The following ZNF804A variants were observed in gnomAD, a reference collection of about 807,000 sequenced individuals.
ZNF804A encodes zinc finger protein 804A.
In ZNF804A, 2 loss-of-function variants were observed where a neutral mutation model predicts 16.5. That is an observed-to-expected ratio of 0.12 (90% confidence interval 0.05 to 0.38). The LOEUF is 0.38. Ranked by LOEUF, ZNF804A falls within the 10% of genes least tolerant of loss-of-function variation. The probability of loss-of-function intolerance (pLI) is 0.99; values close to 1 mark genes in which losing one functional copy is unlikely to be tolerated. For synonymous variants in ZNF804A, 534 were observed against 489.6 expected (o/e 1.09, Z -1.20); for missense variants, 1,473 against 1,390.7 (o/e 1.06, Z -0.94).
Position 184,759,579 on chromosome 2 carries a change from TC to T in ZNF804A, c.112-106789del, listed in dbSNP as rs530111566. Among the ~76,000 whole-genome samples, 278 of 152,208 alleles carry T rather than the reference TC, an allele frequency of 1.8e-3. 2 individuals are homozygous for T. Among genetic ancestry groups the T allele is most frequent in the South Asian group, 0.015 (74 of 4,824 alleles). ...CACTGACAATAAAATATATAAATTA[TC>T]TCATGCAATAAGGATAGCAATTGAT... On this transcript the variant is annotated intron_variant, in intron 1 of 3. Transcript: ENST00000302277.
At chr2:184,652,141 A>G (rs1049975856) in intron 1 of ZNF804A, among the ~76,000 whole-genome samples, 1 of 152,194 alleles carries the variant, frequency 6.6e-6, no homozygotes, top group Non-Finnish European at 1.5e-5. Context: ...TTGCAGCAAC[A>G]TGGATGGGGC....
intron 1 of ZNF804A, among the ~76,000 whole-genome samples, chr2:184,690,190 G>GAA (rs1461547397): frequency 2.4e-5 from 3 of 126,514 alleles, no homozygotes; most frequent in African/African-American, 1.1e-4. Flanking sequence ...GAAAGTCTCA[G>GAA]GAAAAAAAAA....
chr2:184,798,024 G>A (rs1694663174), intron 1 of ZNF804A, among the ~76,000 whole-genome samples: 1 of 148,472 alleles, frequency 6.7e-6, no homozygotes, highest in Non-Finnish European at 1.5e-5. Context: ...GTGTGTGTGT[G>A]TGTGTGTGTG....
chr2:184,870,637 C>T (rs936343938), intron 2 of ZNF804A, among the ~76,000 whole-genome samples: 9 of 151,896 alleles, frequency 5.9e-5, no homozygotes, highest in African/African-American at 2.2e-4. Context: ...AATTTAGACA[C>T]CCAATTAATG....
At position 184,886,013 on chromosome 2, in the gene ZNF804A, G is replaced by A. The variant is rs1321092557; in HGVS notation, c.255+19501G>A. On this transcript the variant is annotated intron_variant, in intron 2 of 3. Transcript: ENST00000302277. ...AAGTCACAATTCATTTTAGAATTATGCCAGAAGTCCACAGTCCAAAGTCTC... is the reference window on the plus strand; with the variant it reads ...AAGTCACAATTCATTTTAGAATTATACCAGAAGTCCACAGTCCAAAGTCTC... 1.3e-5 allele frequency among the ~76,000 whole-genome samples: 2 copies of A among 152,066 alleles called. 1 individual carries two copies. The highest frequency in any genetic ancestry group is 4.1e-4 in the South Asian group (2 of 4,820).
intron 1 of ZNF804A, among the ~76,000 whole-genome samples, chr2:184,662,012 C>CT (rs1692182036): frequency 6.6e-6 from 1 of 152,110 alleles, no homozygotes; most frequent in South Asian, 2.1e-4. Context: ...ATAACTGATT[C>CT]TTGGGGCACA....
chr2:184,796,051 A>T (rs1347188341), intron 1 of ZNF804A, among the ~76,000 whole-genome samples: 1 of 152,088 alleles, frequency 6.6e-6, no homozygotes, highest in African/African-American at 2.4e-5. Context: ...CCATCCCTGT[A>T]TCCCTGGTAT....
At chr2:184,718,596 G>A (rs1409363319) in intron 1 of ZNF804A, among the ~76,000 whole-genome samples, 1 of 152,114 alleles carries the variant, frequency 6.6e-6, no homozygotes, top group East Asian at 1.9e-4. Context: ...GGAGAAATTG[G>A]CCAAAACAAA....
At chr2:184,884,388 G>T (rs1055037430) in intron 2 of ZNF804A, among the ~76,000 whole-genome samples, 5 of 151,988 alleles carry the variant, frequency 3.3e-5, no homozygotes, top group African/African-American at 1.2e-4. Flanking sequence ...GCAACTTACA[G>T]ATTTAGTGCA....
intron 1 of ZNF804A, among the ~76,000 whole-genome samples, chr2:184,773,302 C>G (rs1317277912): frequency 6.6e-6 from 1 of 151,500 alleles, no homozygotes; most frequent in Non-Finnish European, 1.5e-5. Context: ...TCTCTCCAAC[C>G]AATACCTGTA....
At chr2:184,863,134 T>G (rs72905797) in intron 1 of ZNF804A, among the ~76,000 whole-genome samples, 1 of 152,136 alleles carries the variant, frequency 6.6e-6, no homozygotes, top group Admixed American at 6.5e-5. Flanking sequence ...AGTGGATACA[T>G]AGGGATTATT....
chr2:184,935,839 G>A lies in ZNF804A; in HGVS notation c.443G>A (p.Cys148Tyr). 6.2e-7 allele frequency: 1 copy of A among 1,613,478 alleles called. No homozygotes were observed. The change falls in exon 4 of 4, where the codon TGT (cysteine) becomes TAT (tyrosine). Residue 148 changes from cysteine to tyrosine, a missense_variant. Physicochemically the swap from Cys to Tyr is radical, Grantham distance 194. Coordinates refer to ENST00000302277, the MANE Select transcript of ZNF804A (RefSeq NM_194250.2). ...ACAACTGTTACTGTGAGAGAAAACT[G>A]TAATGAAATTTCCCAACGAGTTGTT... Reference protein sequence around the residue: ...KSTTVTVRENCNEISQRVVVD... With the variant: ...KSTTVTVRENYNEISQRVVVD...
intron 2 of ZNF804A, among the ~76,000 whole-genome samples, chr2:184,932,522 C>A (rs959507011): frequency 7.2e-5 from 11 of 152,058 alleles, no homozygotes; most frequent in Admixed American, 7.2e-4. Context: ...AGACCCGCCC[C>A]CATGATTCAA....
chr2:184,737,095 C>T (rs1238915279), intron 1 of ZNF804A, among the ~76,000 whole-genome samples: 5 of 150,000 alleles, frequency 3.3e-5, no homozygotes, highest in African/African-American at 9.9e-5. Context: ...CTCACTTTGT[C>T]ACCCAGGCTG....
At chr2:184,630,702 C>T (rs1323857366) in intron 1 of ZNF804A, among the ~76,000 whole-genome samples, 2 of 151,978 alleles carry the variant, frequency 1.3e-5, no homozygotes, top group South Asian at 2.1e-4. Context: ...AATTCTACTT[C>T]CAGTTTATCA....
intron 1 of ZNF804A, among the ~76,000 whole-genome samples, chr2:184,787,826 G>GT (rs71011058): frequency 0.024 from 3,500 of 142,964 alleles, 113 homozygotes; most frequent in African/African-American, 0.08. Context: ...TTCTTTTGCT[G>GT]TTTTTTTTTT....
At chr2:184,749,833 T>C (rs982265650) in intron 1 of ZNF804A, among the ~76,000 whole-genome samples, 6 of 151,306 alleles carry the variant, frequency 4.0e-5, no homozygotes, top group African/African-American at 1.5e-4. Context: ...AGATTTTTCA[T>C]GTATTCAGCT....
At chr2:184,616,730 C>A (rs1691327196) in intron 1 of ZNF804A, among the ~76,000 whole-genome samples, 1 of 152,054 alleles carries the variant, frequency 6.6e-6, no homozygotes. Context: ...AAATAAAGTT[C>A]TACGGAGCAC....
chr2:184,619,360 A>G (rs1691382324), intron 1 of ZNF804A, among the ~76,000 whole-genome samples: 2 of 151,968 alleles, frequency 1.3e-5, no homozygotes, highest in Admixed American at 1.3e-4. Context: ...TATAGTCTAG[A>G]CTGCTTCAAG....
Sources: gnomAD v4.1 joint callset for allele counts (sites outside exome capture counted in the v4.1 genomes callset) on GRCh38, gnomAD v4.1.1 for gene constraint, MANE v1.5 for transcripts, NCBI Gene and HGNC (gene_info 2026-07-23, HGNC 2026-07-21) for gene names.